Variants in TCTN3 observed in about 807,000 individuals in gnomAD.
The protein encoded by TCTN3 is tectonic-3.
A neutral mutation model predicts 71.3 loss-of-function variants in TCTN3; 57 were observed. That is an observed-to-expected ratio of 0.80 (90% CI 0.65 to 1.00). TCTN3 has a LOEUF of 1.00. TCTN3 is among the 50% of genes least tolerant of loss of function. The pLI is 0.00. For synonymous variants in TCTN3, 258 were observed against 267.8 expected, an observed-to-expected ratio of 0.96 and a Z score of 0.36; for missense variants, 696 against 719.9, an observed-to-expected ratio of 0.97 and a Z score of 0.38.
chr10:95,666,188 G>A (rs536684888), intron 13 of TCTN3, among the ~76,000 whole-genome samples: 19 of 151,000 alleles, frequency 1.3e-4, no homozygotes, highest in Non-Finnish European at 2.1e-4. Flanking sequence ...TGATCTGCCC[G>A]CCTCGGCCTC....
chr10:95,666,481 C>A (rs72813744), intron 13 of TCTN3, among the ~76,000 whole-genome samples: 2 of 151,852 alleles, frequency 1.3e-5, no homozygotes, highest in African/African-American at 4.8e-5. Context: ...CTTAAACTTA[C>A]AAAAGGATTT....
intron 13 of TCTN3, among the ~76,000 whole-genome samples, chr10:95,666,866 T>G (rs58174362): frequency 6.6e-6 from 1 of 152,190 alleles, no homozygotes; most frequent in East Asian, 1.9e-4. Flanking sequence ...TGGAAGAGTG[T>G]GGTATTGAAC....
At chr10:95,681,124 G>C (rs978350596) in intron 12 of TCTN3, among the ~76,000 whole-genome samples, 3 of 150,750 alleles carry the variant, frequency 2.0e-5, no homozygotes, top group African/African-American at 4.9e-5. Context: ...TGCCCAGGCT[G>C]GAGTACAGTG....
At chr10:95,682,462 C>T (rs1484925644) in intron 12 of TCTN3, among the ~76,000 whole-genome samples, 189 bp downstream of exon 12, 4 of 151,186 alleles carry the variant, frequency 2.6e-5, no homozygotes, top group South Asian at 2.1e-4. Flanking sequence ...CCACCACACT[C>T]GAGCCAGGGC....
chr10:95,692,363 G>A (rs1004602420), intron 3 of TCTN3, among the ~76,000 whole-genome samples: 2 of 152,006 alleles, frequency 1.3e-5, no homozygotes, highest in Non-Finnish European at 2.9e-5. Flanking sequence ...AAAATTAGCT[G>A]GTCATGGTGG....
chr10:95,670,061 C>CAAAA (rs34609339), intron 13 of TCTN3, among the ~76,000 whole-genome samples: 10 of 81,076 alleles, frequency 1.2e-4, no homozygotes, highest in Admixed American at 3.0e-4. Context: ...GACTCCGTCT[C>CAAAA]AAAAAAAAAA....
intron 13 of TCTN3, among the ~76,000 whole-genome samples, chr10:95,680,255 T>A (rs945142747): frequency 7.3e-5 from 11 of 151,548 alleles, no homozygotes; most frequent in African/African-American, 1.5e-4. Flanking sequence ...AGATTTTTTT[T>A]AAAAAAGGAT....
intron 2 of TCTN3, 113 bp from the exon 3 acceptor site, chr10:95,693,151 A>G (rs922655303): frequency 2.0e-5 from 23 of 1,178,290 alleles, no homozygotes; most frequent in Non-Finnish European, 2.8e-5. Flanking sequence ...TTGGGCACCT[A>G]TAGGACGACA....
intron 12 of TCTN3, 62 bp from the exon 13 acceptor site, chr10:95,680,671 A>G: frequency 6.3e-7 from 1 of 1,578,538 alleles, no homozygotes; most frequent in Middle Eastern, 1.7e-4. Flanking sequence ...GTCAATCACC[A>G]AGTACTAAGC....
At chr10:95,676,868 C>T (rs116488139) in intron 13 of TCTN3, among the ~76,000 whole-genome samples, 1 of 152,086 alleles carries the variant, frequency 6.6e-6, no homozygotes, top group African/African-American at 2.4e-5. Context: ...CTTTAATGAT[C>T]TCACTTAATC....
chr10:95,680,588 A>G lies in TCTN3; in HGVS notation c.1474T>C (p.Cys492Arg), dbSNP rs149728983. The G allele has an allele frequency of 1.2e-6, 2 of 1,614,124 alleles. No individual in the cohort carries two copies. The highest frequency in any genetic ancestry group is 1.7e-5 in the Admixed American group (1 of 60,010). Residue 492 changes from cysteine to arginine, a missense_variant, in exon 13 of 14, where the codon TGT becomes CGT. Coordinates refer to ENST00000371217, the MANE Select transcript of TCTN3 (RefSeq NM_015631.6). Reference protein sequence around the residue: ...SISAINCTSCCLIPVSLEIQV... With the variant: ...SISAINCTSCRLIPVSLEIQV... ...ATCTCCAGGGAAACTGGTATGAGAC[A>G]GCAGGAAGTACAGTTTATAGCCTGC...
At position 95,688,397 on chromosome 10, in the gene TCTN3, G is replaced by GAAAAAAA. The variant is rs60722894; in HGVS notation, c.500-685_500-679dup. Among the ~76,000 whole-genome samples, 116 of 104,556 alleles carry GAAAAAAA rather than the reference G, an allele frequency of 1.1e-3. 2 individuals carry two copies. The highest frequency in any genetic ancestry group is 1.6e-3 in the Non-Finnish European group (88 of 53,912). 68.6% of individuals were successfully genotyped at this position (104,556 alleles called of 152,430 possible). A position where few individuals can be genotyped will look rare whatever the true frequency, so the allele number is the denominator to read the frequency against. ...AAGAGCGAAACTCTGTCAAAAAAAA[G>GAAAAAAA]AAAAAAAAAAAAAAAAAAAAAGAAA... On this transcript the variant is annotated intron_variant, in intron 3 of 13. Transcript: ENST00000371217.
rs1459985488 is a variant in TCTN3 at position 95,687,155 on chromosome 10, G to C, written c.741C>G (p.Phe247Leu). Residue 247 changes from phenylalanine to leucine, a missense_variant, in exon 6 of 14, where the codon TTC becomes TTG. Transcript: ENST00000371217. ...TGCAAGTTGTACTTTTACTCTCTAG[G>C]AAACCTTAAACACAAATAATTAAGA... ...GLCAESNPAG[F>L]LESKSTTCTR... The C allele has an allele frequency of 1.2e-6, 2 of 1,613,892 alleles. No individual in the cohort carries two copies. The highest frequency in any genetic ancestry group is 1.7e-6 in the Non-Finnish European group (2 of 1,179,794).
Position 95,693,007 on chromosome 10 carries a change from C to A in TCTN3, c.412G>T (p.Val138Phe). The change falls in exon 3 of 14, where the codon GTT (valine) becomes TTT (phenylalanine). Residue 138 changes from valine to phenylalanine, a missense_variant. Physicochemically the swap from Val to Phe is conservative, Grantham distance 50. Coordinates refer to ENST00000371217, the MANE Select transcript of TCTN3 (RefSeq NM_015631.6). The stretch of plus-strand genomic sequence containing the variant: ...AACGGGGAATTACTCCTGAAGATAA[C>A]AGAGTTGTCTACACAAACCCAGCTT... ...SSSWVCVDNS[V>F]IFRSNSPFPS... is the part of the protein sequence containing the mutation. 1 of 1,613,844 alleles carries A rather than the reference C, an allele frequency of 6.2e-7. No homozygotes were observed.
In TCTN3 at chr10:95,684,488, A is replaced by G. The variant is rs1289156338; in HGVS notation, c.1095+11T>C. 1 of 1,612,524 alleles carries G rather than the reference A, an allele frequency of 6.2e-7. No individual in the cohort carries two copies. The highest frequency in any genetic ancestry group is 1.7e-5 in the Admixed American group (1 of 59,642). On this transcript the variant is annotated intron_variant, in intron 9 of 13. Transcript: ENST00000371217. ...TCCCCTCTAAATCCCCTATAAGAGA[A>G]GGGCCCTAACCCTGAAGCGAAGGAT...
At position 95,664,211 on chromosome 10, in the gene TCTN3, G is replaced by A. The variant is rs761227686; in HGVS notation, c.1680C>T (p.Pro560=). 2.4e-5 allele frequency: 38 copies of A among 1,614,174 alleles called. No individual in the cohort carries two copies. In the East Asian group the frequency reaches 7.1e-4, roughly 30 times the overall value. Residue 560 remains proline (P), a synonymous_variant, in exon 14 of 14, where the codon CCC becomes CCT. Transcript: ENST00000371217. Reference sequence around the variant, plus strand: ...CGAATGGCCATTTCCAGTCCATTTTGGGTTGGCCCCTTGGAGGCTGTGGCT... The same window carrying A: ...CGAATGGCCATTTCCAGTCCATTTTAGGTTGGCCCCTTGGAGGCTGTGGCT... ...TQKPQPPRGQ[P]KMDWKWPFDF... is the part of the protein sequence containing the mutation.
Position 95,687,715 on chromosome 10 carries a change from GT to G in TCTN3, c.503del (p.Asn168ThrfsTer2). ...TTTGAAGCTTCTGGAAATAGTTTAAGTTTGCTAAAATGTTTTTTAAAAGAAA... is the reference window on the plus strand; with the variant it reads ...TTTGAAGCTTCTGGAAATAGTTTAAGTTGCTAAAATGTTTTTTAAAAGAAA... ...RQFCVHVNNS[N>X]LNYFQKLQKV... On this transcript the variant is annotated frameshift_variant, in exon 4 of 14. Transcript: ENST00000371217. LOFTEE classifies it high-confidence loss of function. 6.2e-7 allele frequency: 1 copy of G among 1,609,028 alleles called. No individual in the cohort carries two copies. Among genetic ancestry groups the G allele is most frequent in the Non-Finnish European group, 8.5e-7 (1 of 1,178,824 alleles).
chr10:95,664,245 A>G lies in TCTN3; in HGVS notation c.1646T>C (p.Ile549Thr), dbSNP rs779948350. ...CCTTGGAGGCTGTGGCTTCTGGGTA[A>G]TGTCCACAAAGTTCACAAGAGTTGT... ...SLTTLVNFVD[I>T]TQKPQPPRGQ... The change falls in exon 14 of 14, where the codon ATT becomes ACT. Residue 549 changes from isoleucine to threonine, a missense_variant. Transcript: ENST00000371217. 6.2e-7 allele frequency: 1 copy of G among 1,614,168 alleles called. No individual in the cohort carries two copies. The highest frequency in any genetic ancestry group is 1.1e-5 in the South Asian group (1 of 91,086).
intron 3 of TCTN3, among the ~76,000 whole-genome samples, chr10:95,691,845 G>A (rs1462959284): frequency 1.3e-5 from 2 of 152,070 alleles, no homozygotes; most frequent in African/African-American, 2.4e-5. Flanking sequence ...CATATACAAA[G>A]CCAATGATAT....
Sources: allele counts gnomAD v4.1 joint callset (sites outside exome capture counted in the v4.1 genomes callset), GRCh38; gene constraint gnomAD v4.1.1; transcripts MANE v1.5; gene names NCBI Gene and HGNC (gene_info 2026-07-23, HGNC 2026-07-21).